The following CNTN1 variants were observed in gnomAD, a reference collection of about 807,000 sequenced individuals.
CNTN1 encodes contactin 1.
CNTN1 carries 38 observed loss-of-function variants against 126.4 expected under a neutral mutation model. The observed-to-expected ratio is 0.30, with a 90% confidence interval of 0.23 to 0.39. The LOEUF (loss-of-function observed/expected upper bound fraction) is 0.39. Among genes scored for constraint, CNTN1 ranks in the 10% least tolerant of loss-of-function variants. The probability of loss-of-function intolerance (pLI) is 1.00; values close to 1 mark genes in which losing one functional copy is unlikely to be tolerated. For missense variants in CNTN1, 1,009 were observed against 1,248.4 expected (o/e 0.81, Z 2.89); for synonymous variants, 413 against 422.6 (o/e 0.98, Z 0.28).
chr12:40,828,571 G>A (rs915781916), intron 1 of CNTN1, among the ~76,000 whole-genome samples: 1 of 152,190 alleles, frequency 6.6e-6, no homozygotes, highest in African/African-American at 2.4e-5. Context: ...AGGGGCAGCA[G>A]TAGAATGAGC....
At chr12:40,711,675 TCTCCTC>T (rs139158273) in intron 1 of CNTN1, among the ~76,000 whole-genome samples, 3,200 of 151,826 alleles carry the variant, frequency 0.021, 53 homozygotes, top group African/African-American at 0.047. Flanking sequence ...CTTTGTTTCT[TCTCCTC>T]CTCCTCCTCC....
At chr12:40,929,351 C>CA (rs1447141197) in intron 6 of CNTN1, among the ~76,000 whole-genome samples, 300 of 146,568 alleles carry the variant, frequency 2.0e-3, no homozygotes, top group African/African-American at 7.3e-3. Flanking sequence ...CACACACACA[C>CA]ACAAAAAAAA....
At position 41,069,888 on chromosome 12, in the gene CNTN1, G is replaced by A. The variant is rs1165148269; in HGVS notation, c.2981-71G>A. The A allele has an allele frequency of 4.7e-6, 6 of 1,271,150 alleles. No individual in the cohort carries two copies. In the East Asian group the frequency reaches 9.3e-5, roughly 20 times the overall value. The allele number at this position is 1,271,150 out of a possible 1,614,324, so 78.7% of individuals were successfully genotyped here. A position where few individuals can be genotyped will look rare whatever the true frequency, so the allele number is the denominator to read the frequency against. On this transcript the variant is annotated intron_variant, in intron 23 of 23. Transcript: ENST00000551295. ...AGGGCTATGCAATCTCGCCTTAGCT[G>A]AAGCAGACTAAATGAGCAATAGTGA...
rs112571909 is a variant in CNTN1 at position 41,047,809 on chromosome 12, G to A, written c.2980+18590G>A. Among the ~76,000 whole-genome samples, 605 of 151,660 alleles carry A rather than the reference G, an allele frequency of 4.0e-3. 7 individuals are homozygous for A. The highest frequency in any genetic ancestry group is 0.014 in the African/African-American group (581 of 41,326). On this transcript the variant is annotated intron_variant, in intron 23 of 23. Coordinates refer to ENST00000551295, the MANE Select transcript of CNTN1 (RefSeq NM_001843.4). ...TTTCTCTTATTGATGTTCTTCCCAC[G>A]GTTCTACCCTAGCCCTTTTCATTAC...
At position 40,765,777 on chromosome 12, in the gene CNTN1, A is replaced by C. The variant is rs564372090; in HGVS notation, c.-77+73185A>C. Among the ~76,000 whole-genome samples the C allele has an allele frequency of 1.2e-4, 18 of 152,346 alleles. 1 individual carries two copies. The highest frequency in any genetic ancestry group is 4.1e-4 in the African/African-American group (17 of 41,574). On this transcript the variant is annotated intron_variant, in intron 1 of 23. Coordinates refer to ENST00000551295, the MANE Select transcript of CNTN1 (RefSeq NM_001843.4). ...AAATTTAAAACATTGTTTAATTCTG[A>C]AAGAATAAATAAATTCACACATTTA...
At chr12:40,936,073 G>A (rs1946069527) in intron 9 of CNTN1, among the ~76,000 whole-genome samples, 1 of 151,858 alleles carries the variant, frequency 6.6e-6, no homozygotes. Flanking sequence ...TAATCAAAAA[G>A]ACTGTCAAAT....
At chr12:40,763,548 A>G (rs1938950459) in intron 1 of CNTN1, among the ~76,000 whole-genome samples, 1 of 152,176 alleles carries the variant, frequency 6.6e-6, no homozygotes, top group African/African-American at 2.4e-5. Flanking sequence ...AAATGGAAAG[A>G]ATGTCACTGT....
chr12:40,725,349 C>T (rs556694840), intron 1 of CNTN1, among the ~76,000 whole-genome samples: 3 of 136,908 alleles, frequency 2.2e-5, no homozygotes, highest in Admixed American at 8.1e-5. Flanking sequence ...TGCGGTGAGC[C>T]GAGATCACAC....
chr12:41,028,638 A>G (rs956799969), intron 22 of CNTN1, among the ~76,000 whole-genome samples: 1 of 152,178 alleles, frequency 6.6e-6, no homozygotes, highest in African/African-American at 2.4e-5. Flanking sequence ...TTTTAAATAT[A>G]TTCTTTATAT....
intron 17 of CNTN1, among the ~76,000 whole-genome samples, chr12:41,001,491 T>G (rs1948359105): frequency 1.3e-5 from 2 of 152,128 alleles, no homozygotes. Flanking sequence ...CTGCTGGATA[T>G]TAATTAGACT....
At chr12:40,726,010 G>A (rs1168799911) in intron 1 of CNTN1, among the ~76,000 whole-genome samples, 1 of 151,850 alleles carries the variant, frequency 6.6e-6, no homozygotes, top group Non-Finnish European at 1.5e-5. Context: ...CATTTGTGTA[G>A]TAATAACTGA....
intron 14 of CNTN1, among the ~76,000 whole-genome samples, chr12:40,957,500 C>G (rs1946932019): frequency 6.7e-6 from 1 of 149,128 alleles, no homozygotes; most frequent in Non-Finnish European, 1.5e-5. Context: ...GTTCAGTAAA[C>G]TAACTTTACT....
At chr12:40,883,179 T>A (rs1207780599) in intron 1 of CNTN1, among the ~76,000 whole-genome samples, 1 of 151,626 alleles carries the variant, frequency 6.6e-6, no homozygotes, top group African/African-American at 2.4e-5. Context: ...GATTCCCAGG[T>A]GATCCTAATT....
chr12:41,023,183 A>G (rs1290549425), intron 20 of CNTN1, among the ~76,000 whole-genome samples: 1 of 152,158 alleles, frequency 6.6e-6, no homozygotes, highest in African/African-American at 2.4e-5. Flanking sequence ...TTTTCTGTGT[A>G]TAAAGATACA....
At chr12:40,698,757 GT>G (rs1402104198) in intron 1 of CNTN1, among the ~76,000 whole-genome samples, 1 of 152,002 alleles carries the variant, frequency 6.6e-6, no homozygotes, top group East Asian at 1.9e-4. Context: ...TTAGTAAGAT[GT>G]CTGAAGTCTT....
chr12:41,014,968 T>C (rs1948746167), intron 18 of CNTN1, among the ~76,000 whole-genome samples: 1 of 152,204 alleles, frequency 6.6e-6, no homozygotes, highest in African/African-American at 2.4e-5. Flanking sequence ...TTATACAGAT[T>C]CATTTATTCA....
At chr12:40,721,543 T>TTAA (rs1247815895) in intron 1 of CNTN1, among the ~76,000 whole-genome samples, 2 of 151,222 alleles carry the variant, frequency 1.3e-5, no homozygotes, top group African/African-American at 4.9e-5. Flanking sequence ...ACATCTTACA[T>TTAA]TAATTATTAT....
At chr12:40,933,645 T>G in intron 8 of CNTN1, 52 bp from the exon 9 acceptor site, 1 of 1,563,740 alleles carries the variant, frequency 6.4e-7, no homozygotes. Context: ...AAACATAAAG[T>G]AATTGTCTTT....
chr12:41,016,801 C>T lies in CNTN1; in HGVS notation c.2304C>T (p.Val768=), dbSNP rs766001371. The change falls in exon 19 of 24, where the codon GTC becomes GTT. Residue 768 remains valine, a synonymous_variant. Transcript: ENST00000551295. ...TVTNPDTGRY[V]HKDETMSPST... ...CTAATCCTGATACTGGCCGATATGT[C>T]CATAAAGATGAAACCATGAGCCCTT... 1.9e-6 allele frequency: 3 copies of T among 1,613,902 alleles called. No individual in the cohort carries two copies.
Sources: allele counts gnomAD v4.1 joint callset (sites outside exome capture counted in the v4.1 genomes callset), GRCh38; gene constraint gnomAD v4.1.1; transcripts MANE v1.5; gene names NCBI Gene and HGNC (gene_info 2026-07-23, HGNC 2026-07-21).